The following MCTP1 variants were observed in gnomAD, a reference collection of about 807,000 sequenced individuals.
MCTP1 encodes multiple C2 and transmembrane domain containing 1.
A neutral mutation model predicts 120.6 loss-of-function variants in MCTP1; 69 were observed. The observed-to-expected ratio is 0.57, with a 90% confidence interval of 0.47 to 0.70. MCTP1 has a LOEUF of 0.70. Ranked by LOEUF, MCTP1 falls within the 30% of genes least tolerant of loss-of-function variation. The probability of loss-of-function intolerance (pLI) is 0.00; values close to 1 mark genes in which losing one functional copy is unlikely to be tolerated. For missense variants in MCTP1, 1,203 were observed against 1,248.8 expected, an observed-to-expected ratio of 0.96 and a Z score of 0.55; for synonymous variants, 529 against 493.1, an observed-to-expected ratio of 1.07 and a Z score of -0.96.
At chr5:94,847,680 GTGTA>G (rs1430055615) in intron 17 of MCTP1, among the ~76,000 whole-genome samples, 1,095 of 108,336 alleles carry the variant, frequency 0.01, 3 homozygotes, top group Middle Eastern at 0.062. Context: ...GTGTGTGTGT[GTGTA>G]TATATATATA....
At chr5:95,003,488 C>T (rs1202545781) in intron 2 of MCTP1, among the ~76,000 whole-genome samples, 1 of 152,204 alleles carries the variant, frequency 6.6e-6, no homozygotes, top group African/African-American at 2.4e-5. Flanking sequence ...ACATATTTCT[C>T]ATAATGTATC....
chr5:95,265,270 C>T (rs1489276222), intron 1 of MCTP1, among the ~76,000 whole-genome samples: 1 of 152,156 alleles, frequency 6.6e-6, no homozygotes, highest in Non-Finnish European at 1.5e-5. Flanking sequence ...ACATTCCACC[C>T]TCAGCTCTAC....
intron 1 of MCTP1, among the ~76,000 whole-genome samples, chr5:95,161,508 C>T (rs532332283): frequency 4.6e-5 from 7 of 151,986 alleles, no homozygotes; most frequent in Non-Finnish European, 1.0e-4. Context: ...GAGAAATAAG[C>T]TTCAGTGATC....
intron 1 of MCTP1, among the ~76,000 whole-genome samples, chr5:95,194,037 C>A (rs184079433): frequency 6.6e-6 from 1 of 151,800 alleles, no homozygotes; most frequent in Non-Finnish European, 1.5e-5. Flanking sequence ...AAAGCAAGAC[C>A]GTGTCTCTAC....
intron 18 of MCTP1, chr5:94,784,840 T>C (rs1381855817): frequency 6.6e-6 from 1 of 152,028 alleles, no homozygotes; most frequent in African/African-American, 2.4e-5. Context: ...CTAAAAGACT[T>C]CCTGATTTTT....
At chr5:94,968,995 T>G (rs935803766) in intron 2 of MCTP1, among the ~76,000 whole-genome samples, 2 of 152,214 alleles carry the variant, frequency 1.3e-5, no homozygotes, top group Non-Finnish European at 2.9e-5. Flanking sequence ...CAGGTAGCCT[T>G]AACTTTAGAA....
At chr5:94,861,868 A>G (rs1400313018) in intron 17 of MCTP1, among the ~76,000 whole-genome samples, 1 of 151,784 alleles carries the variant, frequency 6.6e-6, no homozygotes, top group Non-Finnish European at 1.5e-5. Flanking sequence ...GGGGGCTGAA[A>G]CTACCAGATA....
intron 1 of MCTP1, among the ~76,000 whole-genome samples, chr5:95,112,925 T>C (rs1455139897): frequency 6.6e-6 from 1 of 152,170 alleles, no homozygotes; most frequent in Non-Finnish European, 1.5e-5. Flanking sequence ...CTTATATAGT[T>C]ATATACTTTT....
intron 1 of MCTP1, among the ~76,000 whole-genome samples, chr5:95,148,173 GC>G (rs998959672): frequency 6.6e-6 from 1 of 152,138 alleles, no homozygotes; most frequent in African/African-American, 2.4e-5. Context: ...ATGACTATGT[GC>G]TTGGGGATGA....
At chr5:94,826,628 C>T in intron 17 of MCTP1, 1 of 784,294 alleles carries the variant, frequency 1.3e-6, no homozygotes, top group Non-Finnish European at 2.2e-6. Context: ...TGCAAAATTC[C>T]TTCACTTTTT....
At chr5:95,181,602 G>T (rs1410376241) in intron 1 of MCTP1, among the ~76,000 whole-genome samples, 1 of 151,784 alleles carries the variant, frequency 6.6e-6, no homozygotes, top group African/African-American at 2.4e-5. Context: ...CATACACAGG[G>T]TGAGAGAGAG....
intron 1 of MCTP1, among the ~76,000 whole-genome samples, chr5:95,152,632 T>C (rs1455673879): frequency 1.3e-5 from 2 of 152,226 alleles, no homozygotes; most frequent in Non-Finnish European, 2.9e-5. Context: ...TGTTTTGTTC[T>C]TTTGGCAAAT....
At chr5:95,043,663 A>G (rs1028357861) in intron 1 of MCTP1, among the ~76,000 whole-genome samples, 4 of 152,172 alleles carry the variant, frequency 2.6e-5, no homozygotes, top group Non-Finnish European at 2.9e-5. Flanking sequence ...AATAAAACAG[A>G]TGCCTTAATT....
At chr5:94,955,696 T>C (rs1179787984) in intron 2 of MCTP1, among the ~76,000 whole-genome samples, 1 of 152,190 alleles carries the variant, frequency 6.6e-6, no homozygotes, top group African/African-American at 2.4e-5. Context: ...AAAGCCACTG[T>C]AGCCAGACTG....
chr5:95,055,212 C>G (rs1747064502), intron 1 of MCTP1, among the ~76,000 whole-genome samples: 1 of 152,036 alleles, frequency 6.6e-6, no homozygotes, highest in Non-Finnish European at 1.5e-5. Context: ...GGAGTGTTTC[C>G]TATTTTGTGG....
At chr5:94,900,846 T>C (rs1239847931) in intron 10 of MCTP1, among the ~76,000 whole-genome samples, 1 of 152,216 alleles carries the variant, frequency 6.6e-6, no homozygotes, top group Non-Finnish European at 1.5e-5. Flanking sequence ...AAAAATGCCT[T>C]CTCTTTGCAG....
intron 1 of MCTP1, among the ~76,000 whole-genome samples, chr5:95,113,158 A>G (rs562176658): frequency 3.3e-5 from 5 of 152,188 alleles, no homozygotes; most frequent in South Asian, 4.2e-4. Context: ...TTATGCAAAT[A>G]CTTTGAAAAA....
chr5:95,014,492 G>A (rs943018252), intron 2 of MCTP1, among the ~76,000 whole-genome samples: 5 of 152,102 alleles, frequency 3.3e-5, no homozygotes, highest in South Asian at 2.1e-4. Context: ...ATGATAAAAT[G>A]TGAACAAATG....
At chr5:94,885,257 G>A (rs1801007288) in intron 12 of MCTP1, among the ~76,000 whole-genome samples, 1 of 151,448 alleles carries the variant, frequency 6.6e-6, no homozygotes, top group South Asian at 2.1e-4. Context: ...AAACTGAGTG[G>A]CTGGTCTCCC....
Sources: allele counts gnomAD v4.1 joint callset (sites outside exome capture counted in the v4.1 genomes callset), GRCh38; gene constraint gnomAD v4.1.1; transcripts MANE v1.5; gene names NCBI Gene and HGNC (gene_info 2026-07-23, HGNC 2026-07-21).